ACSL3: variants seen among roughly 807,000 people sequenced by gnomAD.
ACSL3 encodes fatty acid CoA ligase Acsl3.
In ACSL3, 34 loss-of-function variants were observed where a neutral mutation model predicts 84.7. That is an observed-to-expected ratio of 0.40 (90% CI 0.31 to 0.53). The LOEUF (loss-of-function observed/expected upper bound fraction) is 0.53. Ranked by LOEUF, ACSL3 falls within the 20% of genes least tolerant of loss-of-function variation. ACSL3 has a pLI of 0.48. For missense variants in ACSL3, 680 were observed against 873.1 expected (o/e 0.78, Z 2.79); for synonymous variants, 315 against 299.4 (o/e 1.05, Z -0.54).
intron 16 of ACSL3, 101 bp downstream of exon 16, chr2:222,934,788 A>G: frequency 7.9e-7 from 1 of 1,270,544 alleles, no homozygotes; most frequent in Non-Finnish European, 1.1e-6. Context: ...CTTTCTGCTC[A>G]GAAACCATTT....
intron 1 of ACSL3, among the ~76,000 whole-genome samples, chr2:222,865,794 CTGTGTGTGTG>C (rs3219912): frequency 2.7e-5 from 4 of 150,118 alleles, no homozygotes; most frequent in South Asian, 4.2e-4. Flanking sequence ...TTTGGATCCT[CTGTGTGTGTG>C]TGTGTGTGTG....
rs536328590 is a variant in ACSL3, at chr2:222,928,553, G to A, written c.1466-309G>A. Reference sequence around the variant, plus strand: ...AGGCATGCCCTCTCTAACAGAGGCCGTCAGTTCTGCTGTACCTGAAATGTG... The same window carrying A: ...AGGCATGCCCTCTCTAACAGAGGCCATCAGTTCTGCTGTACCTGAAATGTG... On this transcript the variant is annotated intron_variant, in intron 12 of 16. Transcript: ENST00000357430. Among the ~76,000 whole-genome samples the A allele has an allele frequency of 7.9e-5, 12 of 152,052 alleles. No homozygotes were observed. The East Asian group carries it at 1.4e-3, about 17-fold the overall frequency.
intron 10 of ACSL3, 107 bp from the exon 11 acceptor site, chr2:222,924,349 T>G (rs1472881268): frequency 3.8e-6 from 4 of 1,045,544 alleles, no homozygotes; most frequent in African/African-American, 3.4e-5. Context: ...TGAAGAGTAC[T>G]TCTTTTAAAA....
chr2:222,883,929 AAT>A (rs1487291560), intron 1 of ACSL3, among the ~76,000 whole-genome samples: 1 of 152,100 alleles, frequency 6.6e-6, no homozygotes. Context: ...TCCTTCTGTT[AAT>A]ATATAGCATT....
intron 1 of ACSL3, among the ~76,000 whole-genome samples, chr2:222,877,551 T>C (rs991160909): frequency 1.3e-5 from 2 of 152,238 alleles, no homozygotes; most frequent in African/African-American, 4.8e-5. Flanking sequence ...GACGGCTACA[T>C]ATACACTTAT....
chr2:222,874,015 TA>T (rs777211635), intron 1 of ACSL3, among the ~76,000 whole-genome samples: 3 of 152,200 alleles, frequency 2.0e-5, no homozygotes, highest in Non-Finnish European at 4.4e-5. Flanking sequence ...TACTTGGATT[TA>T]TTTTTTTATT....
intron 13 of ACSL3, 30 bp downstream of exon 13, chr2:222,928,966 A>T: frequency 6.3e-7 from 1 of 1,578,522 alleles, no homozygotes; most frequent in Middle Eastern, 1.7e-4. Flanking sequence ...ACAGAGCATT[A>T]ATTTTTAAAG....
At chr2:222,861,386 G>A (rs1438283251) in intron 1 of ACSL3, 128 bp downstream of exon 1, 1 of 151,608 alleles carries the variant, frequency 6.6e-6, no homozygotes, top group Non-Finnish European at 1.5e-5. Context: ...CGCCGCACCT[G>A]ACCGCTGGGT....
rs1318447046 is a variant in ACSL3, at chr2:222,924,522, A to C, written c.1219A>C (p.Asn407His). 6.2e-7 allele frequency: 1 copy of C among 1,611,278 alleles called. No homozygotes were observed. Among genetic ancestry groups the C allele is most frequent in the Non-Finnish European group, 8.5e-7 (1 of 1,178,672 alleles). ...KVSEMSSFQR[N>H]LFILAYNYKM... The stretch of plus-strand genomic sequence containing the variant: ...CAGTGAAATGAGTAGTTTTCAACGT[A>C]ATCTGTTTATTCTGGCCTATAATTA... Residue 407 changes from asparagine to histidine, a missense_variant, in exon 11 of 17, where the codon AAT (asparagine) becomes CAT (histidine). Asn to His is a moderately conservative substitution (Grantham distance 68). Transcript: ENST00000357430.
At chr2:222,887,966 G>T (rs989146471) in intron 2 of ACSL3, 78 bp downstream of exon 2, 1 of 151,740 alleles carries the variant, frequency 6.6e-6, no homozygotes, top group South Asian at 2.1e-4. Flanking sequence ...ACCAATTATG[G>T]CTAAATTGAC....
rs1574533955 is a variant in ACSL3 at position 222,895,602 on chromosome 2, T to C, written c.-147-5072T>C. Among the ~76,000 whole-genome samples the C allele has an allele frequency of 1.4e-4, 3 of 21,774 alleles. 1 individual carries two copies. The highest frequency in any genetic ancestry group is 2.0e-4 in the Non-Finnish European group (3 of 15,338). 14.3% of individuals were successfully genotyped at this position (21,774 alleles called of 152,430 possible). On this transcript the variant is annotated intron_variant, in intron 2 of 16. Coordinates refer to ENST00000357430, the MANE Select transcript of ACSL3 (RefSeq NM_004457.5). ...TAAACAAGTGAACAAAGGTCTCTGG[T>C]TTTCCTAGGCAGAGGACCCTGCGGC...
intron 1 of ACSL3, among the ~76,000 whole-genome samples, chr2:222,883,548 GCT>G (rs1309470285): frequency 3.9e-5 from 6 of 152,052 alleles, no homozygotes; most frequent in Admixed American, 3.9e-4. Context: ...AATTTACGTG[GCT>G]CTGTCTAGAA....
At chr2:222,926,872 A>G (rs1036421584) in intron 11 of ACSL3, 145 bp from the exon 12 acceptor site, 17 of 791,396 alleles carry the variant, frequency 2.1e-5, no homozygotes, top group Non-Finnish European at 2.7e-5. Flanking sequence ...TTGGGGCTCA[A>G]GAGACTCTCC....
At chr2:222,939,262 C>A (rs1446070172) in intron 16 of ACSL3, among the ~76,000 whole-genome samples, 1 of 152,156 alleles carries the variant, frequency 6.6e-6, no homozygotes, top group East Asian at 1.9e-4. Flanking sequence ...ATTGAGAGGA[C>A]TTTGTCCAGT....
intron 5 of ACSL3, among the ~76,000 whole-genome samples, chr2:222,917,118 T>A (rs1696605323): frequency 6.6e-6 from 1 of 152,168 alleles, no homozygotes; most frequent in Non-Finnish European, 1.5e-5. Context: ...TGAGATGGAG[T>A]CTCACTCTGT....
At chr2:222,940,742 T>C (rs1697282885) in intron 16 of ACSL3, among the ~76,000 whole-genome samples, 1 of 152,196 alleles carries the variant, frequency 6.6e-6, no homozygotes, top group African/African-American at 2.4e-5. Flanking sequence ...TAGATGTATA[T>C]ATAGTAGGCT....
intron 1 of ACSL3, among the ~76,000 whole-genome samples, chr2:222,870,405 A>G (rs777430080): frequency 2.6e-4 from 39 of 152,340 alleles, no homozygotes; most frequent in Non-Finnish European, 5.1e-4. Context: ...GGCAGTGGGC[A>G]GTAAATAGAT....
intron 4 of ACSL3, among the ~76,000 whole-genome samples, chr2:222,909,418 T>C (rs1197439622): frequency 2.6e-5 from 4 of 152,214 alleles, no homozygotes; most frequent in Non-Finnish European, 5.9e-5. Context: ...GTTTTGAGTA[T>C]GAAACCATAC....
At position 222,908,908 on chromosome 2, in the gene ACSL3, G is replaced by T; in HGVS notation, c.136G>T (p.Glu46Ter). 1 of 1,610,860 alleles carries T rather than the reference G, an allele frequency of 6.2e-7. No homozygotes were observed. The highest frequency in any genetic ancestry group is 1.1e-5 in the South Asian group (1 of 90,156). ...LTYIPFYFFS[E>*]SRQEKSNRIK... Reference sequence around the variant, plus strand: ...ATACATTCCGTTTTATTTTTTCTCCGAGTCAAGACAAGAAAAATCAAACCG... The same window carrying T: ...ATACATTCCGTTTTATTTTTTCTCCTAGTCAAGACAAGAAAAATCAAACCG... Residue 46 changes from glutamate to a stop codon, truncating the protein, a stop_gained, in exon 4 of 17, where the codon GAG (glutamate) becomes TAG (stop). Coordinates refer to ENST00000357430, the MANE Select transcript of ACSL3 (RefSeq NM_004457.5). LOFTEE classifies it high-confidence loss of function.
Sources: gnomAD v4.1 joint callset for allele counts (sites outside exome capture counted in the v4.1 genomes callset) on GRCh38, gnomAD v4.1.1 for gene constraint, MANE v1.5 for transcripts, NCBI Gene and HGNC (gene_info 2026-07-23, HGNC 2026-07-21) for gene names.